Variants in ROBO2 observed in about 807,000 individuals in gnomAD.
ROBO2 encodes the protein roundabout homolog 2.
In ROBO2, 53 loss-of-function variants were observed where a neutral mutation model predicts 160.8. That is an observed-to-expected ratio of 0.33 (90% CI 0.26 to 0.41). The LOEUF (loss-of-function observed/expected upper bound fraction) is 0.41. ROBO2 is among the 10% of genes least tolerant of loss of function. The pLI is 1.00. For synonymous variants in ROBO2, 664 were observed against 611.7 expected, an observed-to-expected ratio of 1.09 and a Z score of -1.26; for missense variants, 1,577 against 1,722.4, an observed-to-expected ratio of 0.92 and a Z score of 1.49.
At chr3:77,203,875 A>G (rs916763080) in intron 2 of ROBO2, among the ~76,000 whole-genome samples, 3 of 152,214 alleles carry the variant, frequency 2.0e-5, no homozygotes, top group Non-Finnish European at 4.4e-5. Flanking sequence ...GATGTCTTCA[A>G]GGCCACACAG....
intron 2 of ROBO2, among the ~76,000 whole-genome samples, chr3:76,881,625 G>GT (rs1487661830): frequency 3.3e-5 from 5 of 152,134 alleles, no homozygotes; most frequent in African/African-American, 1.2e-4. Flanking sequence ...TACAAAATAT[G>GT]TATTTTCTAT....
At chr3:77,416,108 T>C (rs1469171405) in intron 2 of ROBO2, among the ~76,000 whole-genome samples, 1 of 152,142 alleles carries the variant, frequency 6.6e-6, no homozygotes, top group African/African-American at 2.4e-5. Context: ...AAGAATTTTA[T>C]TGAGTGAGAG....
chr3:76,242,533 G>A (rs1051477250), intron 2 of ROBO2, among the ~76,000 whole-genome samples: 3 of 152,058 alleles, frequency 2.0e-5, no homozygotes, highest in African/African-American at 7.2e-5. Context: ...TGTCTTTCCT[G>A]TGCCCTTCAT....
At chr3:77,481,435 T>C (rs1245569004) in intron 4 of ROBO2, among the ~76,000 whole-genome samples, 9 of 152,128 alleles carry the variant, frequency 5.9e-5, no homozygotes, top group Admixed American at 5.2e-4. Flanking sequence ...ACATTGTTCA[T>C]GTATTTGTAA....
intron 2 of ROBO2, among the ~76,000 whole-genome samples, chr3:76,289,673 T>C (rs1208603725): frequency 6.6e-6 from 1 of 152,176 alleles, no homozygotes; most frequent in East Asian, 1.9e-4. Context: ...TTGTATATGG[T>C]AAAAAGAAGT....
chr3:76,635,851 GA>G (rs1231682872), intron 2 of ROBO2, among the ~76,000 whole-genome samples: 1 of 152,182 alleles, frequency 6.6e-6, no homozygotes, highest in Non-Finnish European at 1.5e-5. Flanking sequence ...CTTTGGCTTA[GA>G]AAACTTCTTC....
intron 2 of ROBO2, among the ~76,000 whole-genome samples, chr3:76,305,361 A>T (rs1245892914): frequency 8.3e-6 from 1 of 120,362 alleles, no homozygotes; most frequent in Admixed American, 1.1e-4. Flanking sequence ...ACTGCACTTC[A>T]GCCTGGGTGA....
At chr3:76,998,009 A>C (rs1022484132) in intron 2 of ROBO2, among the ~76,000 whole-genome samples, 3 of 152,236 alleles carry the variant, frequency 2.0e-5, no homozygotes, top group Admixed American at 2.0e-4. Flanking sequence ...CTCTTGAGTC[A>C]TGGGCTCAGA....
At chr3:77,547,125 C>T (rs1232511000) in intron 7 of ROBO2, among the ~76,000 whole-genome samples, 1 of 151,996 alleles carries the variant, frequency 6.6e-6, no homozygotes, top group Non-Finnish European at 1.5e-5. Context: ...CTCTCAGAGT[C>T]TCTATGGAAA....
At chr3:76,951,944 AGC>A (rs1035056630) in intron 2 of ROBO2, among the ~76,000 whole-genome samples, 1 of 152,178 alleles carries the variant, frequency 6.6e-6, no homozygotes, top group Admixed American at 6.5e-5. Context: ...TTTCAGGGAG[AGC>A]CCTTCCCCAG....
intron 2 of ROBO2, among the ~76,000 whole-genome samples, chr3:76,853,111 A>G (rs536436157): frequency 5.9e-5 from 9 of 152,214 alleles, no homozygotes; most frequent in African/African-American, 1.7e-4. Flanking sequence ...ATTTTTTTCT[A>G]AAGCACATAC....
chr3:77,200,550 G>T (rs536049095), intron 2 of ROBO2, among the ~76,000 whole-genome samples: 15 of 151,722 alleles, frequency 9.9e-5, no homozygotes, highest in Middle Eastern at 3.4e-3. Context: ...GCAGGCTGAG[G>T]GTCCCATGAA....
intron 2 of ROBO2, among the ~76,000 whole-genome samples, chr3:77,191,909 C>T (rs569179508): frequency 2.0e-5 from 3 of 152,164 alleles, no homozygotes; most frequent in Admixed American, 1.3e-4. Context: ...GGCGAGAGAA[C>T]GATAAACATT....
At chr3:76,809,626 A>T (rs1181744967) in intron 2 of ROBO2, among the ~76,000 whole-genome samples, 1 of 152,164 alleles carries the variant, frequency 6.6e-6, no homozygotes, top group African/African-American at 2.4e-5. Context: ...GGGAATGCCC[A>T]CTATGAATGG....
chr3:76,012,398 TTA>T (rs995837878), intron 2 of ROBO2, among the ~76,000 whole-genome samples: 2 of 152,224 alleles, frequency 1.3e-5, no homozygotes, highest in Non-Finnish European at 2.9e-5. Context: ...AAAACACTTT[TTA>T]TATGTTTTCT....
intron 2 of ROBO2, among the ~76,000 whole-genome samples, chr3:77,373,355 C>G (rs2072101516): frequency 6.6e-6 from 1 of 151,622 alleles, no homozygotes; most frequent in Non-Finnish European, 1.5e-5. Context: ...GATGAGTCAA[C>G]TAGATACAAA....
At chr3:75,959,595 A>G (rs1376236377) in intron 2 of ROBO2, among the ~76,000 whole-genome samples, 1 of 151,722 alleles carries the variant, frequency 6.6e-6, no homozygotes, top group African/African-American at 2.4e-5. Context: ...TGCTTATGTG[A>G]GTTTCTAAAA....
At chr3:77,374,169 C>CAAAAAAAAAA (rs60357417) in intron 2 of ROBO2, among the ~76,000 whole-genome samples, 5 of 40,106 alleles carry the variant, frequency 1.2e-4, no homozygotes, top group African/African-American at 5.9e-4. Flanking sequence ...GAGACTCCAT[C>CAAAAAAAAAA]AAAAAAAAAA....
chr3:77,293,412 G>T (rs2061568201), intron 2 of ROBO2, among the ~76,000 whole-genome samples: 1 of 149,332 alleles, frequency 6.7e-6, no homozygotes, highest in African/African-American at 2.5e-5. Flanking sequence ...TAAAATTGAT[G>T]GTTAAACGGG....
Sources: gnomAD v4.1 joint callset for allele counts (sites outside exome capture counted in the v4.1 genomes callset) on GRCh38, gnomAD v4.1.1 for gene constraint, MANE v1.5 for transcripts, NCBI Gene and HGNC (gene_info 2026-07-23, HGNC 2026-07-21) for gene names.